Variants in NRCAM observed in about 807,000 individuals in gnomAD.
NRCAM encodes NgCAM-related cell adhesion molecule.
NRCAM carries 83 observed loss-of-function variants against 156.5 expected under a neutral mutation model. The observed-to-expected ratio is 0.53, with a 90% CI of 0.44 to 0.64. The LOEUF is 0.64. Among genes scored for constraint, NRCAM ranks in the 30% least tolerant of loss-of-function variants. The probability of loss-of-function intolerance (pLI) is 0.00; values close to 1 mark genes in which losing one functional copy is unlikely to be tolerated. For missense variants in NRCAM, 1,417 were observed against 1,597.3 expected (o/e 0.89, Z 1.92); for synonymous variants, 538 against 563.9 (o/e 0.95, Z 0.65).
At chr7:108,373,607 A>G (rs1008062572) in intron 2 of NRCAM, among the ~76,000 whole-genome samples, 1 of 152,194 alleles carries the variant, frequency 6.6e-6, no homozygotes. Context: ...TTGTTAGCAC[A>G]CTGGTGCCCT....
At position 108,355,764 on chromosome 7, in the gene NRCAM, T is replaced by C. The variant is rs534045494; in HGVS notation, c.-173-43033A>G. 9.8e-5 allele frequency among the ~76,000 whole-genome samples: 15 copies of C among 152,310 alleles called. No homozygotes were observed. In the South Asian group the frequency reaches 3.1e-3, roughly 32 times the overall value. ...ACATCCAACCATCATCATGACTCCA[T>C]GATCCAAGATCAGTCAAAGCAGATG... is the stretch of plus-strand genomic sequence containing the variant. On this transcript the variant is annotated intron_variant, in intron 2 of 32. Transcript: ENST00000379028.
At chr7:108,279,364 TTG>T (rs2097769340) in intron 3 of NRCAM, among the ~76,000 whole-genome samples, 1 of 152,220 alleles carries the variant, frequency 6.6e-6, no homozygotes, top group Admixed American at 6.5e-5. Context: ...TTGTTGTAGT[TTG>T]TTTCATGTGC....
chr7:108,269,133 A>G (rs2097236190), intron 3 of NRCAM, among the ~76,000 whole-genome samples: 1 of 152,026 alleles, frequency 6.6e-6, no homozygotes. Context: ...GGAGGCATCA[A>G]AAACTCGAAT....
intron 3 of NRCAM, among the ~76,000 whole-genome samples, chr7:108,259,622 A>G (rs898412747): frequency 6.6e-6 from 1 of 152,246 alleles, no homozygotes; most frequent in Non-Finnish European, 1.5e-5. Flanking sequence ...GATCGGATAA[A>G]GAAAATGTGG....
At position 108,258,848 on chromosome 7, in the gene NRCAM, C is replaced by T. The variant is rs546909261; in HGVS notation, c.-106-18678G>A. 1.2e-4 allele frequency among the ~76,000 whole-genome samples: 19 copies of T among 152,332 alleles called. No homozygotes were observed. In the South Asian group the frequency reaches 3.9e-3, roughly 32 times the overall value. ...CCCAGTCTGCTTTCTCCACTTTCTA[C>T]TTGGTTCCTATCCTCCTTGTGGCCT... On this transcript the variant is annotated intron_variant, in intron 3 of 32. Transcript: ENST00000379028.
chr7:108,416,973 A>G (rs187162957), intron 1 of NRCAM, among the ~76,000 whole-genome samples: 2 of 152,310 alleles, frequency 1.3e-5, no homozygotes, highest in Admixed American at 1.3e-4. Context: ...ACAAACACAT[A>G]TTCTCCAGAG....
intron 20 of NRCAM, among the ~76,000 whole-genome samples, chr7:108,187,673 C>T (rs966467937): frequency 8.5e-5 from 13 of 152,060 alleles, no homozygotes; most frequent in Admixed American, 3.3e-4. Flanking sequence ...AAGAGGTGGC[C>T]GGGCGCAGTG....
At chr7:108,357,780 T>G (rs2099516208) in intron 2 of NRCAM, among the ~76,000 whole-genome samples, 1 of 152,244 alleles carries the variant, frequency 6.6e-6, no homozygotes, top group Admixed American at 6.5e-5. Context: ...CCTCCATTGG[T>G]GATTAAATTA....
intron 10 of NRCAM, 77 bp from the exon 11 acceptor site, chr7:108,223,913 G>A: frequency 1.3e-6 from 1 of 750,356 alleles, no homozygotes; most frequent in South Asian, 1.6e-5. Flanking sequence ...CAAAAAAGCT[G>A]TCTAAAATTC....
At chr7:108,405,393 G>A (rs2154401781) in intron 1 of NRCAM, among the ~76,000 whole-genome samples, 1 of 152,360 alleles carries the variant, frequency 6.6e-6, no homozygotes, top group South Asian at 2.1e-4. Context: ...AGCTTTCAGT[G>A]AGTAGTTTTC....
chr7:108,217,648 G>C (rs1323920035), intron 11 of NRCAM, among the ~76,000 whole-genome samples: 1 of 152,136 alleles, frequency 6.6e-6, no homozygotes, highest in Non-Finnish European at 1.5e-5. Context: ...AGGCAGTCTG[G>C]GTACAGAGGC....
rs2094442812 is a variant in NRCAM, at chr7:108,232,391, T to C, written c.362A>G (p.Tyr121Cys). Reference protein sequence around the residue: ...EGKAETYEGVYQCTARNERGA... With the variant: ...EGKAETYEGVCQCTARNERGA... ...GCGTTCGTTCCTTGCTGTACACTGA[T>C]AGACTCCTTCATAGGTCTCAGCTTT... The change falls in exon 7 of 33, where the codon TAT becomes TGT. Residue 121 changes from tyrosine (Y) to cysteine (C), a missense_variant. By Grantham distance (194) the Tyr-to-Cys change is radical. Around this residue, in one of 2 missense-constraint regions of NRCAM, gnomAD observed 1,238 missense variants for 1,336.4 expected, o/e 0.93. Coordinates refer to ENST00000379028, the MANE Select transcript of NRCAM (RefSeq NM_001037132.4). The C allele has an allele frequency of 1.9e-6, 3 of 1,613,592 alleles. No individual in the cohort carries two copies. Among genetic ancestry groups the C allele is most frequent in the Non-Finnish European group, 2.5e-6 (3 of 1,179,760 alleles).
At chr7:108,397,014 G>GC (rs1210898562) in intron 2 of NRCAM, among the ~76,000 whole-genome samples, 1 of 151,942 alleles carries the variant, frequency 6.6e-6, no homozygotes, top group African/African-American at 2.4e-5. Flanking sequence ...ATTAACCAAA[G>GC]CAAGTGTCAT....
At chr7:108,391,315 T>C (rs2099759125) in intron 2 of NRCAM, among the ~76,000 whole-genome samples, 1 of 152,210 alleles carries the variant, frequency 6.6e-6, no homozygotes, top group Non-Finnish European at 1.5e-5. Flanking sequence ...TTGATCCCTT[T>C]ACCATTATGT....
intron 3 of NRCAM, among the ~76,000 whole-genome samples, chr7:108,265,416 G>A (rs1017071313): frequency 6.6e-6 from 1 of 152,114 alleles, no homozygotes; most frequent in Non-Finnish European, 1.5e-5. Context: ...CTTTTTTGGG[G>A]TCTATCCTGA....
At chr7:108,245,739 A>AT (rs1363189527) in intron 3 of NRCAM, among the ~76,000 whole-genome samples, 1 of 152,160 alleles carries the variant, frequency 6.6e-6, no homozygotes, top group African/African-American at 2.4e-5. Flanking sequence ...GATTTAGAAA[A>AT]TTATTAAAAA....
rs2099673149 is a variant in NRCAM at position 108,375,856 on chromosome 7, G to A, written c.-174+23580C>T. ...AGAGGAAATAATGTGAACTGAAATA[G>A]CTAAAGGACAAAAGAAGTAAGAGGA... is the stretch of plus-strand genomic sequence containing the variant. On this transcript the variant is annotated intron_variant, in intron 2 of 32. Coordinates refer to ENST00000379028, the MANE Select transcript of NRCAM (RefSeq NM_001037132.4). Among the ~76,000 whole-genome samples, 3 of 152,300 alleles carry A rather than the reference G, an allele frequency of 2.0e-5. No individual in the cohort carries two copies. In the South Asian group the frequency reaches 6.2e-4, roughly 32 times the overall value.
rs146251330 is a variant in NRCAM, at chr7:108,452,261, T to C, written c.-332+3982A>G. On this transcript the variant is annotated intron_variant, in intron 1 of 32. Coordinates refer to ENST00000379028, the MANE Select transcript of NRCAM (RefSeq NM_001037132.4). Reference sequence around the variant, plus strand: ...GGAGATGAGATGTTCTCACCACACATACACAAATTAACTGTGTGAGGTGAT... The same window carrying C: ...GGAGATGAGATGTTCTCACCACACACACACAAATTAACTGTGTGAGGTGAT... Among the ~76,000 whole-genome samples the C allele has an allele frequency of 3.1e-3, 475 of 152,342 alleles. 4 individuals carry two copies. The highest frequency in any genetic ancestry group is 0.011 in the African/African-American group (444 of 41,576).
At chr7:108,447,585 T>C (rs186798069) in intron 1 of NRCAM, among the ~76,000 whole-genome samples, 3 of 152,212 alleles carry the variant, frequency 2.0e-5, no homozygotes, top group Admixed American at 2.0e-4. Flanking sequence ...CACATTTTCA[T>C]ATGCTAACTT....
Sources: allele counts gnomAD v4.1 joint callset (sites outside exome capture counted in the v4.1 genomes callset), GRCh38; gene constraint gnomAD v4.1.1; regional missense constraint gnomAD v4.1.1; transcripts MANE v1.5; gene names NCBI Gene and HGNC (gene_info 2026-07-23, HGNC 2026-07-21).